The following ADAM10 variants were observed in gnomAD, a reference collection of about 807,000 sequenced individuals.
The protein encoded by ADAM10 is disintegrin and metalloproteinase domain-containing protein 10.
A neutral mutation model predicts 90.1 loss-of-function variants in ADAM10; 17 were observed. The ratio of observed to expected loss-of-function variants is 0.19; its 90% CI spans 0.13 to 0.28. ADAM10 has a LOEUF of 0.28. Among genes scored for constraint, ADAM10 ranks in the 10% least tolerant of loss-of-function variants. ADAM10 has a pLI of 1.00. For synonymous variants in ADAM10, 310 were observed against 298.6 expected, an observed-to-expected ratio of 1.04 and a Z score of -0.40; for missense variants, 610 against 914.3, an observed-to-expected ratio of 0.67 and a Z score of 4.29.
chr15:58,719,328 G>GAA (rs376317340), intron 1 of ADAM10, among the ~76,000 whole-genome samples: 2 of 144,702 alleles, frequency 1.4e-5, no homozygotes, highest in African/African-American at 5.0e-5. Flanking sequence ...CCGTCTCAAA[G>GAA]AAAAAAAAAA....
chr15:58,602,820 C>A (rs1895151332), intron 14 of ADAM10, among the ~76,000 whole-genome samples: 1 of 152,150 alleles, frequency 6.6e-6, no homozygotes, highest in Non-Finnish European at 1.5e-5. Flanking sequence ...TTGTCCCTCA[C>A]ATTGCTTGTT....
intron 14 of ADAM10, among the ~76,000 whole-genome samples, chr15:58,604,411 C>G (rs1895210024): frequency 6.6e-6 from 1 of 152,106 alleles, no homozygotes; most frequent in Non-Finnish European, 1.5e-5. Flanking sequence ...TCCTTAAAGG[C>G]TTTTCCTAAT....
At chr15:58,708,077 A>C (rs532823716) in intron 2 of ADAM10, among the ~76,000 whole-genome samples, 1 of 150,534 alleles carries the variant, frequency 6.6e-6, no homozygotes, top group East Asian at 1.9e-4. Flanking sequence ...ACTCGGTCTC[A>C]AAAAAAAACA....
At chr15:58,647,248 A>ATTTTTTTTTTTT (rs67378373) in intron 5 of ADAM10, among the ~76,000 whole-genome samples, 3,176 of 59,474 alleles carry the variant, frequency 0.053, 1,155 homozygotes, top group Non-Finnish European at 0.085. Flanking sequence ...GACACTAAGT[A>ATTTTTTTTTTTT]TTTTTTTTTT....
At chr15:58,743,699 G>T (rs1595674057) in intron 1 of ADAM10, among the ~76,000 whole-genome samples, 1 of 152,026 alleles carries the variant, frequency 6.6e-6, no homozygotes, top group African/African-American at 2.4e-5. Context: ...CCACCTCCCG[G>T]GTTCAAGCGA....
At chr15:58,688,742 T>C (rs1228312383) in intron 2 of ADAM10, among the ~76,000 whole-genome samples, 8 of 127,328 alleles carry the variant, frequency 6.3e-5, no homozygotes, top group African/African-American at 2.6e-4. Flanking sequence ...TTGGAAAATA[T>C]AATTTCTAAA....
At chr15:58,599,083 G>T (rs1488198383) in intron 15 of ADAM10, among the ~76,000 whole-genome samples, 1 of 151,134 alleles carries the variant, frequency 6.6e-6, no homozygotes, top group African/African-American at 2.4e-5. Context: ...CAGCTACTTA[G>T]GAGGCTAAAG....
intron 2 of ADAM10, among the ~76,000 whole-genome samples, chr15:58,711,292 C>A (rs934270826): frequency 3.9e-5 from 6 of 152,114 alleles, no homozygotes; most frequent in Non-Finnish European, 8.8e-5. Context: ...AATAAATACA[C>A]AGGCAGAAAA....
At chr15:58,645,795 T>G (rs746289185) in intron 6 of ADAM10, among the ~76,000 whole-genome samples, 1 of 152,264 alleles carries the variant, frequency 6.6e-6, no homozygotes, top group Admixed American at 6.5e-5. Flanking sequence ...AAATGAAAAT[T>G]CAACTCTCTT....
Position 58,597,427 on chromosome 15 carries a change from A to G in ADAM10, c.*120T>C. ...TGGTCTGAGGATATGATCTCTTGCC[A>G]TTTTTTCTTCAACTGTTACTTGTGA... On this transcript the variant is annotated 3_prime_UTR_variant, in exon 16 of 16. Transcript: ENST00000260408. The G allele has an allele frequency of 6.4e-7, 1 of 1,568,300 alleles. No homozygotes were observed. The highest frequency in any genetic ancestry group is 1.4e-5 in the African/African-American group (1 of 73,972).
At chr15:58,714,847 T>C (rs1226471336) in intron 2 of ADAM10, among the ~76,000 whole-genome samples, 6 of 152,132 alleles carry the variant, frequency 3.9e-5, no homozygotes, top group East Asian at 1.9e-4. Context: ...TGTTAGACGA[T>C]AGAAGAGGAA....
chr15:58,734,588 T>A (rs1235202500), intron 1 of ADAM10, among the ~76,000 whole-genome samples: 2 of 151,864 alleles, frequency 1.3e-5, no homozygotes, highest in African/African-American at 4.8e-5. Context: ...TCATCCCAGC[T>A]ACTTGGGGGG....
At chr15:58,683,750 C>A (rs537962331) in intron 2 of ADAM10, among the ~76,000 whole-genome samples, 1 of 147,094 alleles carries the variant, frequency 6.8e-6, no homozygotes, top group African/African-American at 2.5e-5. Context: ...GTCCCAGCTA[C>A]TGGGGAGGCT....
chr15:58,601,683 T>C (rs1387590710), intron 14 of ADAM10, among the ~76,000 whole-genome samples: 1 of 152,194 alleles, frequency 6.6e-6, no homozygotes, highest in Non-Finnish European at 1.5e-5. Context: ...GTTTTGCCAT[T>C]TGTCCCAATA....
chr15:58,610,759 G>T, intron 13 of ADAM10: 1 of 635,562 alleles, frequency 1.6e-6, no homozygotes, highest in Non-Finnish European at 2.8e-6. Context: ...GTCTAACAGT[G>T]TTTATGTAAA....
At chr15:58,665,242 A>G in intron 4 of ADAM10, 45 bp from the exon 5 acceptor site, 1 of 1,340,718 alleles carries the variant, frequency 7.5e-7, no homozygotes, top group Non-Finnish European at 1.1e-6. Flanking sequence ...ACATTTAGGT[A>G]TAACCAATTA....
At chr15:58,647,297 G>C (rs1896577577) in intron 5 of ADAM10, among the ~76,000 whole-genome samples, 1 of 79,864 alleles carries the variant, frequency 1.3e-5, no homozygotes, top group African/African-American at 4.6e-5. Flanking sequence ...GTCTCACTCT[G>C]TTGCCCAGGA....
At chr15:58,682,150 G>GAA (rs749660034) in intron 3 of ADAM10, 46 bp downstream of exon 3, 91 of 1,236,348 alleles carry the variant, frequency 7.4e-5, no homozygotes, top group East Asian at 1.8e-4. Context: ...TCTTTGTGTA[G>GAA]AAAAAAAAAA....
rs1347064656 is a variant in ADAM10 at position 58,727,195 on chromosome 15, T to A, written c.56-9468A>T. Among the ~76,000 whole-genome samples the A allele has an allele frequency of 3.2e-5, 4 of 126,482 alleles. 1 individual carries two copies. In the Admixed American group the frequency reaches 3.2e-4, roughly 10 times the overall value. The allele number at this position is 126,482 out of a possible 152,430, so 83.0% of individuals were successfully genotyped here. On this transcript the variant is annotated intron_variant, in intron 1 of 15. Transcript: ENST00000260408. ...ACTAATCTTTTTTTTTTTTTTTTTT[T>A]TTTTTTTTTTCCCAAAAACAGCGTT...
Sources: gnomAD v4.1 joint callset for allele counts (sites outside exome capture counted in the v4.1 genomes callset) on GRCh38, gnomAD v4.1.1 for gene constraint, MANE v1.5 for transcripts, NCBI Gene and HGNC (gene_info 2026-07-23, HGNC 2026-07-21) for gene names.